Variants in AP2B1 observed in about 807,000 individuals in gnomAD.
AP2B1 encodes adaptor related protein complex 2 subunit beta 1, also known as AP-2 complex subunit beta.
AP2B1 carries 23 observed loss-of-function variants against 102.0 expected under a neutral mutation model. The observed-to-expected ratio is 0.23, with a 90% CI of 0.16 to 0.32. AP2B1 has a LOEUF of 0.32. AP2B1 is among the 10% of genes least tolerant of loss of function. The pLI, the probability that AP2B1 is intolerant of heterozygous loss-of-function variation, is 1.00. For missense variants in AP2B1, 541 were observed against 1,157.4 expected (o/e 0.47, Z 7.73); for synonymous variants, 381 against 421.2 (o/e 0.90, Z 1.17).
At chr17:35,675,209 A>T (rs7213022) in intron 17 of AP2B1, among the ~76,000 whole-genome samples, 3,207 of 152,326 alleles carry the variant, frequency 0.021, 114 homozygotes, top group African/African-American at 0.073. Context: ...GGTTTTATTC[A>T]GTTTTATGGT....
chr17:35,641,774 G>C, intron 11 of AP2B1, 103 bp from the exon 12 acceptor site: 1 of 738,910 alleles, frequency 1.4e-6, no homozygotes, highest in African/African-American at 1.7e-5. Context: ...AATCAGAAAG[G>C]CTCCATAGTA....
intron 10 of AP2B1, among the ~76,000 whole-genome samples, chr17:35,638,279 G>A (rs2074667380): frequency 6.6e-6 from 1 of 152,230 alleles, no homozygotes; most frequent in African/African-American, 2.4e-5. Context: ...ATCAGTAAAA[G>A]TAGGCAGATA....
At chr17:35,707,413 A>T (rs2076364233) in intron 18 of AP2B1, among the ~76,000 whole-genome samples, 1 of 149,810 alleles carries the variant, frequency 6.7e-6, no homozygotes, top group Non-Finnish European at 1.5e-5. Context: ...GGCCTCCCAA[A>T]GTGCTGGGAT....
rs151211141 is a variant in AP2B1 at position 35,646,677 on chromosome 17, C to T, written c.1537-3853C>T. 7.9e-5 allele frequency among the ~76,000 whole-genome samples: 12 copies of T among 151,672 alleles called. No individual in the cohort carries two copies. The East Asian group carries it at 2.1e-3, about 27-fold the overall frequency. On this transcript the variant is annotated intron_variant, in intron 12 of 21. Coordinates refer to ENST00000610402, the MANE Select transcript of AP2B1 (RefSeq NM_001030006.2). ...CTCAGCTCACTGCAGCCTCCTCCGCCTCCTGGGTTCAAGTGATTCTCCCTC... is the reference window on the plus strand; with the variant it reads ...CTCAGCTCACTGCAGCCTCCTCCGCTTCCTGGGTTCAAGTGATTCTCCCTC...
At chr17:35,671,457 C>G (rs2075585407) in intron 15 of AP2B1, among the ~76,000 whole-genome samples, 1 of 152,130 alleles carries the variant, frequency 6.6e-6, no homozygotes, top group Non-Finnish European at 1.5e-5. Context: ...GCCTTTTGCA[C>G]AGAATCATGG....
chr17:35,612,886 ACACACACAC>A (rs2073906095), intron 5 of AP2B1, among the ~76,000 whole-genome samples: 1 of 20,796 alleles, frequency 4.8e-5, no homozygotes, highest in Non-Finnish European at 1.2e-4. Flanking sequence ...GTGCGCACAC[ACACACACAC>A]ACACACACAC....
intron 10 of AP2B1, among the ~76,000 whole-genome samples, chr17:35,638,257 GA>G (rs1270462332): frequency 6.6e-6 from 1 of 152,170 alleles, no homozygotes; most frequent in Non-Finnish European, 1.5e-5. Flanking sequence ...AAGCAATCAA[GA>G]GCCTGGTTTA....
intron 18 of AP2B1, among the ~76,000 whole-genome samples, chr17:35,708,351 C>T (rs774807855): frequency 6.6e-6 from 1 of 151,986 alleles, no homozygotes; most frequent in Non-Finnish European, 1.5e-5. Context: ...AGTATAAGGG[C>T]CTTATGATGT....
chr17:35,665,360 A>G (rs1038130063), intron 14 of AP2B1, among the ~76,000 whole-genome samples: 5 of 152,096 alleles, frequency 3.3e-5, no homozygotes, highest in African/African-American at 9.7e-5. Flanking sequence ...TCCGGGGCCC[A>G]GGCAATCCAC....
intron 5 of AP2B1, among the ~76,000 whole-genome samples, chr17:35,623,060 T>C (rs1349582129): frequency 6.6e-6 from 1 of 152,098 alleles, no homozygotes; most frequent in East Asian, 1.9e-4. Flanking sequence ...TTAATTTACT[T>C]GTACAAAGCC....
intron 20 of AP2B1, among the ~76,000 whole-genome samples, chr17:35,712,403 C>A (rs587628435): frequency 3.9e-4 from 59 of 152,242 alleles, no homozygotes; most frequent in Admixed American, 1.1e-3. Context: ...CCGAGGTGGG[C>A]AGATCACGAG....
chr17:35,671,096 T>A (rs2075577804), intron 15 of AP2B1, among the ~76,000 whole-genome samples, 198 bp downstream of exon 15: 1 of 152,116 alleles, frequency 6.6e-6, no homozygotes, highest in East Asian at 1.9e-4. Context: ...TGTAGAGACA[T>A]CTTTAAGGTT....
At chr17:35,722,245 A>G (rs1272032579) in intron 21 of AP2B1, among the ~76,000 whole-genome samples, 1 of 152,208 alleles carries the variant, frequency 6.6e-6, no homozygotes, top group Non-Finnish European at 1.5e-5. Flanking sequence ...CTCTGTCTCA[A>G]AAAAAGAATT....
chr17:35,654,221 C>A (rs12450039), intron 13 of AP2B1, among the ~76,000 whole-genome samples: 8,332 of 152,010 alleles, frequency 0.055, 371 homozygotes, highest in East Asian at 0.14. Context: ...CCTACCACTC[C>A]TAGCTAATTT....
At chr17:35,639,568 T>A (rs1452409759) in intron 10 of AP2B1, 27 bp from the exon 11 acceptor site, 1 of 1,588,394 alleles carries the variant, frequency 6.3e-7, no homozygotes, top group Admixed American at 1.8e-5. Context: ...TTGCCCTCAA[T>A]AACCATAGTT....
In AP2B1 at chr17:35,657,667, C is replaced by T; in HGVS notation, c.1865C>T (p.Pro622Leu). 1 of 1,614,150 alleles carries T rather than the reference C, an allele frequency of 6.2e-7. No individual in the cohort carries two copies. Among genetic ancestry groups the T allele is most frequent in the Non-Finnish European group, 8.5e-7 (1 of 1,180,006 alleles). ...ATNLEQPQVI[P>L]SQGDLLGDLL... ...AACCTGGAACAGCCTCAGGTTATCC[C>T]CTCTCAAGGTGATCTTCTAGGGGAT... The change falls in exon 14 of 22, where the codon CCC (proline) becomes CTC (leucine). Residue 622 changes from proline to leucine, a missense_variant. Coordinates refer to ENST00000610402, the MANE Select transcript of AP2B1 (RefSeq NM_001030006.2).
Position 35,675,795 on chromosome 17 carries a change from GT to G in AP2B1, c.2324+1477del, listed in dbSNP as rs549787879. 4.6e-5 allele frequency among the ~76,000 whole-genome samples: 7 copies of G among 151,304 alleles called. No individual in the cohort carries two copies. In the South Asian group the frequency reaches 1.0e-3, roughly 23 times the overall value. On this transcript the variant is annotated intron_variant, in intron 17 of 21. Coordinates refer to ENST00000610402, the MANE Select transcript of AP2B1 (RefSeq NM_001030006.2). ...TCAATTATTCATTTATTGACTCTTTGTTTATCTTTTATATACTGTTTTTCTC... is the reference window on the plus strand; with the variant it reads ...TCAATTATTCATTTATTGACTCTTTGTTATCTTTTATATACTGTTTTTCTC...
Position 35,682,794 on chromosome 17 carries a change from C to T in AP2B1, c.2424C>T (p.Val808=), listed in dbSNP as rs1279629698. ...VSLPLNTLGP[V]MKMEPLNNLQ... Reference sequence around the variant, plus strand: ...TGCCTCTCAATACCTTGGGCCCAGTCATGAAGATGGAACCTCTGAATAACC... The same window carrying T: ...TGCCTCTCAATACCTTGGGCCCAGTTATGAAGATGGAACCTCTGAATAACC... The change falls in exon 18 of 22, where the codon GTC becomes GTT. Residue 808 remains valine, a synonymous_variant. Transcript: ENST00000610402. 2 of 1,612,504 alleles carry T rather than the reference C, an allele frequency of 1.2e-6. No individual in the cohort carries two copies. The highest frequency in any genetic ancestry group is 1.7e-6 in the Non-Finnish European group (2 of 1,178,928).
At chr17:35,644,312 G>A (rs1253464573) in intron 12 of AP2B1, among the ~76,000 whole-genome samples, 3 of 152,152 alleles carry the variant, frequency 2.0e-5, no homozygotes, top group Non-Finnish European at 4.4e-5. Context: ...ATATGTATAT[G>A]TGTGTTTGCT....
Sources: gnomAD v4.1 joint callset for allele counts (sites outside exome capture counted in the v4.1 genomes callset) on GRCh38, gnomAD v4.1.1 for gene constraint, MANE v1.5 for transcripts, NCBI Gene and HGNC (gene_info 2026-07-23, HGNC 2026-07-21) for gene names.